The following NREP variants were observed in gnomAD, a reference collection of about 807,000 sequenced individuals.
NREP encodes neuronal regeneration related protein.
A neutral mutation model predicts 8.6 loss-of-function variants in NREP; 5 were observed. The ratio of observed to expected loss-of-function variants is 0.58; its 90% CI spans 0.30 to 1.22. The LOEUF is 1.22. NREP is among the 50% of genes most tolerant of loss of function. The pLI is 0.07. For synonymous variants in NREP, 27 were observed against 28.0 expected (o/e 0.96, Z 0.11); for missense variants, 86 against 82.5 (o/e 1.04, Z -0.17).
chr5:111,886,164 C>T (rs1754241342), intron 2 of NREP, among the ~76,000 whole-genome samples: 2 of 152,212 alleles, frequency 1.3e-5, no homozygotes, highest in South Asian at 2.1e-4. Context: ...GGGCAAAGGA[C>T]ATGAACAGAC....
chr5:111,891,133 C>T (rs982192549), intron 2 of NREP, among the ~76,000 whole-genome samples: 4 of 152,180 alleles, frequency 2.6e-5, no homozygotes, highest in African/African-American at 7.2e-5. Context: ...TAGATGCAGT[C>T]GTGCCATGTC....
intron 2 of NREP, among the ~76,000 whole-genome samples, chr5:111,737,369 T>A (rs1048986310): frequency 6.6e-6 from 1 of 152,218 alleles, no homozygotes; most frequent in African/African-American, 2.4e-5. Context: ...ATAAAGTGAT[T>A]ACATTTCTAT....
At chr5:111,838,176 T>C (rs1319590040) in intron 2 of NREP, among the ~76,000 whole-genome samples, 1 of 152,196 alleles carries the variant, frequency 6.6e-6, no homozygotes, top group Non-Finnish European at 1.5e-5. Flanking sequence ...TATTTCAATA[T>C]GTGATATAAA....
chr5:111,967,052 C>T (rs543647421), intron 2 of NREP, among the ~76,000 whole-genome samples: 64 of 152,256 alleles, frequency 4.2e-4, no homozygotes, highest in Non-Finnish European at 7.8e-4. Context: ...AACAAAATGC[C>T]CATTTGGGGT....
intron 2 of NREP, among the ~76,000 whole-genome samples, chr5:111,847,281 C>T (rs568309989): frequency 6.6e-6 from 1 of 152,194 alleles, no homozygotes; most frequent in African/African-American, 2.4e-5. Context: ...CCTGTTATAT[C>T]CTTTCATGGC....
intron 2 of NREP, among the ~76,000 whole-genome samples, chr5:111,773,988 G>GTT (rs796561489): frequency 7.2e-5 from 11 of 152,192 alleles, no homozygotes; most frequent in African/African-American, 2.2e-4. Flanking sequence ...AAGCATGCTC[G>GTT]TCCCTAGAGT....
chr5:111,887,704 A>C (rs1023341043), intron 2 of NREP, among the ~76,000 whole-genome samples: 1 of 152,220 alleles, frequency 6.6e-6, no homozygotes, highest in African/African-American at 2.4e-5. Flanking sequence ...ATCCAAATGA[A>C]GATATCCCTT....
chr5:111,748,310 A>ATTG (rs1750134443), intron 2 of NREP, among the ~76,000 whole-genome samples: 1 of 152,132 alleles, frequency 6.6e-6, no homozygotes. Flanking sequence ...TCAGTAGTAA[A>ATTG]TTGTTCATCA....
chr5:111,967,954 T>A (rs971935678), intron 2 of NREP, among the ~76,000 whole-genome samples: 2 of 152,172 alleles, frequency 1.3e-5, no homozygotes, highest in African/African-American at 4.8e-5. Flanking sequence ...GAAACTCCTA[T>A]TAGGTTGGTG....
chr5:111,858,063 C>G (rs1276323995), intron 2 of NREP, among the ~76,000 whole-genome samples: 1 of 152,012 alleles, frequency 6.6e-6, no homozygotes, highest in Admixed American at 6.6e-5. Flanking sequence ...GAGAAAATGA[C>G]AGGGAGCAAT....
chr5:111,883,200 T>C (rs1293458993), intron 2 of NREP, among the ~76,000 whole-genome samples: 3 of 152,116 alleles, frequency 2.0e-5, no homozygotes, highest in Admixed American at 2.0e-4. Context: ...AAACAGACTT[T>C]AAACCAGCAA....
chr5:111,969,441 A>C lies in NREP; in HGVS notation c.135+5833T>G, dbSNP rs201378303. On this transcript the variant is annotated intron_variant, in intron 2 of 3. Transcript: ENST00000395634. ...TGACTCTCAATCAGAAAAGAAGCTA[A>C]TATAATCTTGGGTTGTATTAATAGA... 3.9e-5 allele frequency: 6 copies of C among 152,228 alleles called. No homozygotes were observed. In the East Asian group the frequency reaches 1.2e-3, roughly 29 times the overall value. 9.4% of individuals were successfully genotyped at this position (152,228 alleles called of 1,614,324 possible).
chr5:111,769,603 A>G (rs574960171), intron 2 of NREP, among the ~76,000 whole-genome samples: 3 of 152,326 alleles, frequency 2.0e-5, no homozygotes, highest in Non-Finnish European at 4.4e-5. Flanking sequence ...TGCGAAATTT[A>G]TGAGGAAAAC....
chr5:111,869,782 G>A (rs1392985291), intron 2 of NREP, among the ~76,000 whole-genome samples: 2 of 152,192 alleles, frequency 1.3e-5, no homozygotes, highest in East Asian at 3.9e-4. Context: ...GGAGCAAGGA[G>A]AGGAATTTGT....
chr5:111,926,378 T>C (rs1259701050), intron 2 of NREP, among the ~76,000 whole-genome samples: 1 of 152,106 alleles, frequency 6.6e-6, no homozygotes, highest in Non-Finnish European at 1.5e-5. Flanking sequence ...CCCATGCATG[T>C]TCCAGATATG....
At chr5:111,900,360 C>T (rs1023677256) in intron 2 of NREP, among the ~76,000 whole-genome samples, 1 of 151,720 alleles carries the variant, frequency 6.6e-6, no homozygotes, top group Admixed American at 6.6e-5. Context: ...TCTAAAGATG[C>T]ACCTCAAATA....
intron 2 of NREP, among the ~76,000 whole-genome samples, chr5:111,886,055 A>G (rs948224787): frequency 1.3e-5 from 2 of 152,186 alleles, no homozygotes; most frequent in African/African-American, 4.8e-5. Context: ...ATGGGAGAAA[A>G]TTTTCGCAAC....
At position 111,735,441 on chromosome 5, in the gene NREP, T is replaced by C. The variant is rs748394406; in HGVS notation, c.70A>G (p.Arg24Gly). 1.7e-5 allele frequency: 27 copies of C among 1,610,914 alleles called. No individual in the cohort carries two copies. In the East Asian group the frequency reaches 5.6e-4, roughly 33 times the overall value. ...TCTAAGGATCTTACCTTAGGAAGCC[T>C]TCCCTCCATGTCCTTGTTTGGAAAT... ...EPFPNKDMEG[R>G]LPKGRLPVPK... Residue 24 changes from arginine to glycine, a missense_variant, in exon 3 of 4, where the codon AGG becomes GGG. Coordinates refer to ENST00000257435, the MANE Select transcript of NREP (RefSeq NM_004772.4).
At chr5:111,815,852 G>A (rs950748226) in intron 2 of NREP, among the ~76,000 whole-genome samples, 2 of 152,132 alleles carry the variant, frequency 1.3e-5, no homozygotes, top group Admixed American at 6.6e-5. Context: ...GAAAATACAT[G>A]TCAATTCACA....
Sources: gnomAD v4.1 joint callset for allele counts (sites outside exome capture counted in the v4.1 genomes callset) on GRCh38, gnomAD v4.1.1 for gene constraint, MANE v1.5 for transcripts, NCBI Gene and HGNC (gene_info 2026-07-23, HGNC 2026-07-21) for gene names.